Variants in LRP5 observed in about 807,000 individuals in gnomAD.
LRP5 encodes the protein LDL receptor related protein 5, also known as low-density lipoprotein receptor-related protein 5.
Under a neutral mutation model 154.1 loss-of-function variants are expected in LRP5, and 62 were observed. That is an observed-to-expected ratio of 0.40 (90% CI 0.33 to 0.50). The LOEUF (loss-of-function observed/expected upper bound fraction) is 0.50. Ranked by LOEUF, LRP5 falls within the 20% of genes least tolerant of loss-of-function variation. LRP5 has a pLI of 0.55. For synonymous variants in LRP5, 966 were observed against 1,011.5 expected (o/e 0.96, Z 0.85); for missense variants, 1,915 against 2,336.7 (o/e 0.82, Z 3.72).
intron 7 of LRP5, among the ~76,000 whole-genome samples, chr11:68,392,796 T>C (rs118062233): frequency 0.016 from 2,412 of 152,234 alleles, 31 homozygotes; most frequent in Non-Finnish European, 0.021. Flanking sequence ...AGCATTGTGT[T>C]TTCCAGATTC....
At chr11:68,337,204 C>T (rs1410265280) in intron 1 of LRP5, among the ~76,000 whole-genome samples, 1 of 152,170 alleles carries the variant, frequency 6.6e-6, no homozygotes, top group Non-Finnish European at 1.5e-5. Flanking sequence ...CTTGTTTTTG[C>T]ACATCATGCC....
rs906178662 is a variant in LRP5, at chr11:68,423,243, C to T, written c.3028-246C>T. ...TCGCTCTGGCATACTCAGGCGGGCA[C>T]GTAGTTAGGAGCTGATTGGAGAGGA... On this transcript the variant is annotated intron_variant, in intron 13 of 22. Transcript: ENST00000294304. The surrounding 1 kb of genome is among the most constrained non-coding windows in gnomAD (Gnocchi z 4.7). 1.3e-5 allele frequency among the ~76,000 whole-genome samples: 2 copies of T among 152,126 alleles called. No individual in the cohort carries two copies. Among genetic ancestry groups the T allele is most frequent in the African/African-American group, 2.4e-5 (1 of 41,408 alleles).
At chr11:68,349,978 C>G (rs1386999389) in intron 2 of LRP5, among the ~76,000 whole-genome samples, 1 of 152,170 alleles carries the variant, frequency 6.6e-6, no homozygotes, top group Non-Finnish European at 1.5e-5. Flanking sequence ...CCCACCACCC[C>G]CAGGCTCAGT....
chr11:68,368,595 C>T (rs369256657), intron 5 of LRP5, among the ~76,000 whole-genome samples: 88 of 152,190 alleles, frequency 5.8e-4, no homozygotes, highest in African/African-American at 1.9e-3. Flanking sequence ...GGGCCCGGCT[C>T]GTGTGTTTGA....
chr11:68,390,198 TTC>T, intron 7 of LRP5, 146 bp downstream of exon 7: 1 of 1,053,978 alleles, frequency 9.5e-7, no homozygotes, highest in South Asian at 1.4e-5. Context: ...TTACAATACT[TTC>T]TGACAAAAAC....
At position 68,312,722 on chromosome 11, in the gene LRP5, C is replaced by T. The variant is rs2098589178; in HGVS notation, c.8C>T (p.Ala3Val). The T allele has an allele frequency of 1.9e-6, 2 of 1,045,226 alleles. No individual in the cohort carries two copies. Among genetic ancestry groups the T allele is most frequent in the Non-Finnish European group, 2.3e-6 (2 of 869,714 alleles). The allele number at this position is 1,045,226 out of a possible 1,614,324, so 64.7% of individuals were successfully genotyped here. The part of the protein sequence containing the change: ME[A>V]APPGPPWPLL... ...GTCCGGCCGCCGGACAACATGGAGGCAGCGCCGCCCGGGCCGCCGTGGCCG... is the reference window on the plus strand; with the variant it reads ...GTCCGGCCGCCGGACAACATGGAGGTAGCGCCGCCCGGGCCGCCGTGGCCG... Residue 3 changes from alanine to valine, a missense_variant, in exon 1 of 23, where the codon GCA (alanine) becomes GTA (valine). Around this residue, in one of 3 missense-constraint regions of LRP5, gnomAD observed 48 missense variants for 25.7 expected, o/e 1.87. Transcript: ENST00000294304.
Position 68,423,412 on chromosome 11 carries a change from C to G in LRP5, c.3028-77C>G. 1 of 1,401,832 alleles carries G rather than the reference C, an allele frequency of 7.1e-7. No homozygotes were observed. Among genetic ancestry groups the G allele is most frequent in the Non-Finnish European group, 1.0e-6 (1 of 988,098 alleles). 86.8% of individuals were successfully genotyped at this position (1,401,832 alleles called of 1,614,324 possible). A position where few individuals can be genotyped will look rare whatever the true frequency, so the allele number is the denominator to read the frequency against. On this transcript the variant is annotated intron_variant, in intron 13 of 22. Transcript: ENST00000294304. This position sits in a 1 kb window ranked among gnomAD's most constrained non-coding sequence, Gnocchi z 4.7. ...GTCTCCACCAGTGCCCGGGGGTCTCCGCCAGTGCCAGGGGTCTCCGCCAGT... is the reference window on the plus strand; with the variant it reads ...GTCTCCACCAGTGCCCGGGGGTCTCGGCCAGTGCCAGGGGTCTCCGCCAGT...
In LRP5 at chr11:68,371,018, C is replaced by T. The variant is rs557407261; in HGVS notation, c.1015+5316C>T. Among the ~76,000 whole-genome samples the T allele has an allele frequency of 2.6e-5, 4 of 152,218 alleles. No individual in the cohort carries two copies. The South Asian group carries it at 8.3e-4, about 32-fold the overall frequency. On this transcript the variant is annotated intron_variant, in intron 5 of 22. Transcript: ENST00000294304. ...GTTCCCCAGTCTGACCTCAGAGCTG[C>T]CTGGAGATGGGCCCCACCCGCTTCC... is the stretch of plus-strand genomic sequence containing the variant.
intron 13 of LRP5, among the ~76,000 whole-genome samples, chr11:68,421,686 C>CTGTGTGTGTGTGTG (rs148066763): frequency 2.0e-4 from 27 of 133,328 alleles, no homozygotes; most frequent in African/African-American, 1.7e-4. Flanking sequence ...CCCAGCAAGG[C>CTGTGTGTGTGTGTG]TGTGTGTGTG....
chr11:68,317,571 G>T (rs533488511), intron 1 of LRP5, among the ~76,000 whole-genome samples: 1 of 152,326 alleles, frequency 6.6e-6, no homozygotes, highest in Non-Finnish European at 1.5e-5. Context: ...GGGGTGGGGG[G>T]AGCTCCCTGT....
intron 13 of LRP5, among the ~76,000 whole-genome samples, chr11:68,419,891 C>G (rs2098664585): frequency 6.6e-6 from 1 of 151,928 alleles, no homozygotes; most frequent in South Asian, 2.1e-4. Flanking sequence ...GACTGGAGTG[C>G]AATGGTGGGC....
At chr11:68,312,954 CCGTCCCCGG>C (rs2098589621) in intron 1 of LRP5, 149 bp downstream of exon 1, 1 of 250,046 alleles carries the variant, frequency 4.0e-6, no homozygotes, top group South Asian at 1.4e-4. Context: ...GATCCCCCTG[CCGTCCCCGG>C]CGTCCCCGCC....
At chr11:68,391,972 G>C (rs2098646599) in intron 7 of LRP5, among the ~76,000 whole-genome samples, 1 of 152,160 alleles carries the variant, frequency 6.6e-6, no homozygotes, top group African/African-American at 2.4e-5. Flanking sequence ...CCTCTGAGTA[G>C]CTGGGACTAC....
chr11:68,331,413 C>A (rs1426439080), intron 1 of LRP5, among the ~76,000 whole-genome samples: 1 of 152,224 alleles, frequency 6.6e-6, no homozygotes, highest in Non-Finnish European at 1.5e-5. Flanking sequence ...GGAGCACAGG[C>A]AGGAGAACAG....
rs765743789 is a variant in LRP5, at chr11:68,449,096, CTG to C, written c.*29_*30del. ...CCTCGGCCGGGCCACTCTGGCTTCT[CTG>C]TGCCCCTGTAAATAGTTTTAAATAT... On this transcript the variant is annotated 3_prime_UTR_variant, in exon 23 of 23. Transcript: ENST00000294304. 27 of 1,506,046 alleles carry C rather than the reference CTG, an allele frequency of 1.8e-5. No individual in the cohort carries two copies. In the African/African-American group the frequency reaches 2.8e-4, roughly 16 times the overall value. 93.3% of individuals were successfully genotyped at this position (1,506,046 alleles called of 1,614,324 possible).
upstream of LRP5, chr11:68,312,481 G>C (rs1434436363): frequency 6.8e-6 from 1 of 146,338 alleles, no homozygotes; most frequent in Non-Finnish European, 1.5e-5. Flanking sequence ...GGCCGGCTCC[G>C]GGGGGCGCCC....
chr11:68,399,735 C>T (rs2098651592), intron 7 of LRP5, among the ~76,000 whole-genome samples: 1 of 152,210 alleles, frequency 6.6e-6, no homozygotes, highest in South Asian at 2.1e-4. Flanking sequence ...GCAGAGGCCT[C>T]CTGAGTCGGC....
At chr11:68,349,706 A>G (rs2098616679) in intron 2 of LRP5, among the ~76,000 whole-genome samples, 1 of 151,730 alleles carries the variant, frequency 6.6e-6, no homozygotes, top group South Asian at 2.1e-4. Flanking sequence ...CGGGGTGGAG[A>G]GTTTAAGGGG....
intron 1 of LRP5, among the ~76,000 whole-genome samples, chr11:68,320,191 A>T (rs2098595963): frequency 6.6e-6 from 1 of 152,164 alleles, no homozygotes; most frequent in Non-Finnish European, 1.5e-5. Context: ...GCATACATAC[A>T]TACATAACTC....
Sources: gnomAD v4.1 joint callset for allele counts (sites outside exome capture counted in the v4.1 genomes callset) on GRCh38, gnomAD v4.1.1 for gene constraint, gnomAD v4.1.1 regional missense constraint, Gnocchi (gnomAD v3.1) non-coding constraint, MANE v1.5 for transcripts, NCBI Gene and HGNC (gene_info 2026-07-23, HGNC 2026-07-21) for gene names.